The following PIM1 variants were observed in gnomAD, a reference collection of about 807,000 sequenced individuals.
PIM1 encodes the protein Pim-1 proto-oncogene, serine/threonine kinase, also known as serine/threonine-protein kinase pim-1.
In PIM1, 9 loss-of-function variants were observed where a neutral mutation model predicts 34.5. That is an observed-to-expected ratio of 0.26 (90% CI 0.16 to 0.46). The LOEUF (loss-of-function observed/expected upper bound fraction) is 0.46, where lower values mean the gene tolerates loss of function less well. Ranked by LOEUF, PIM1 falls within the 20% of genes least tolerant of loss-of-function variation. The pLI is 1.00. For missense variants in PIM1, 274 were observed against 410.9 expected (o/e 0.67, Z 2.88); for synonymous variants, 199 against 175.2 (o/e 1.14, Z -1.07).
chr6:37,173,885 T>TA, intron 5 of PIM1, 49 bp from the exon 6 acceptor site: 1 of 1,561,292 alleles, frequency 6.4e-7, no homozygotes, highest in Non-Finnish European at 8.7e-7. Context: ...CTTTGCAGTG[T>TA]AAAAACAAGT....
At chr6:37,173,239 A>G in intron 5 of PIM1, 67 bp downstream of exon 5, 3 of 1,446,752 alleles carry the variant, frequency 2.1e-6, no homozygotes, top group African/African-American at 1.4e-5. Context: ...TTCATGGGAC[A>G]GTCTTTGAAA....
rs1196699154 is a variant in PIM1, at chr6:37,172,539, C to T, written c.608-457C>T. On this transcript the variant is annotated intron_variant, in intron 4 of 5. Transcript: ENST00000373509. ...GAAGGCCTCCCAAAGGGCACCCTGA[C>T]TTAGGATGTTGTGCAAGCATCCTTG... is the stretch of plus-strand genomic sequence containing the variant. 1.5e-5 allele frequency: 7 copies of T among 453,264 alleles called. No homozygotes were observed. The East Asian group carries it at 4.9e-4, about 32-fold the overall frequency. 28.1% of individuals were successfully genotyped at this position (453,264 alleles called of 1,614,324 possible).
In PIM1 at chr6:37,170,416, G is replaced by T. The variant is rs1463201376; in HGVS notation, c.-160G>T. 7 of 1,534,052 alleles carry T rather than the reference G, an allele frequency of 4.6e-6. No individual in the cohort carries two copies. The highest frequency in any genetic ancestry group is 2.0e-5 in the Admixed American group (1 of 50,874). On this transcript the variant is annotated 5_prime_UTR_variant, in exon 1 of 6. Coordinates refer to ENST00000373509, the MANE Select transcript of PIM1 (RefSeq NM_002648.4). ...AGCGCCCTCAGTTGTCCTCCGACTC[G>T]CCCTCGGCCTTCCGCGCCAGCCGCA...
rs1762281233 is a variant in PIM1 at position 37,171,256 on chromosome 6, G to A, written c.372G>A (p.Glu124=). 2 of 1,614,184 alleles carry A rather than the reference G, an allele frequency of 1.2e-6. No individual in the cohort carries two copies. Among genetic ancestry groups the A allele is most frequent in the Non-Finnish European group, 1.7e-6 (2 of 1,180,046 alleles). ...DSFVLILERP[E]PVQDLFDFIT... ...TCGTCCTGATCCTGGAGAGGCCCGA[G>A]CCGGTGCAAGATCTCTTCGACTTCA... The change falls in exon 4 of 6, where the codon GAG becomes GAA. Residue 124 remains glutamate, a synonymous_variant. Coordinates refer to ENST00000373509, the MANE Select transcript of PIM1 (RefSeq NM_002648.4).
Position 37,174,026 on chromosome 6 carries a change from G to C in PIM1, c.877G>C (p.Val293Leu). 1.2e-6 allele frequency: 2 copies of C among 1,614,084 alleles called. No individual in the cohort carries two copies. The highest frequency in any genetic ancestry group is 1.7e-6 in the Non-Finnish European group (2 of 1,179,978). Residue 293 changes from valine to leucine, a missense_variant, in exon 6 of 6, where the codon GTT becomes CTT. Physicochemically the swap from Val to Leu is conservative, Grantham distance 32. Transcript: ENST00000373509. Reference sequence around the variant, plus strand: ...CCAGAACCATCCATGGATGCAAGATGTTCTCCTGCCCCAGGAAACTGCTGA... The same window carrying C: ...CCAGAACCATCCATGGATGCAAGATCTTCTCCTGCCCCAGGAAACTGCTGA... Reference protein sequence around the residue: ...EIQNHPWMQDVLLPQETAEIH... With the variant: ...EIQNHPWMQDLLLPQETAEIH...
chr6:37,170,757 C>G lies in PIM1; in HGVS notation c.83-16C>G, dbSNP rs779345095. 2 of 1,611,274 alleles carry G rather than the reference C, an allele frequency of 1.2e-6. No individual in the cohort carries two copies. The highest frequency in any genetic ancestry group is 1.7e-5 in the Admixed American group (1 of 59,916). ...CGCGGGCCGGCACTGAGTCCCCGTG[C>G]TTCCCCCTTTCCTAGGCAAGGAGAA... On this transcript the variant is annotated splice_polypyrimidine_tract_variant and intron_variant, in intron 1 of 5. Transcript: ENST00000373509.
At position 37,174,064 on chromosome 6, in the gene PIM1, C is replaced by T. The variant is rs1762356778; in HGVS notation, c.915C>T (p.His305=). The change falls in exon 6 of 6, where the codon CAC becomes CAT. Residue 305 remains histidine, a synonymous_variant. Transcript: ENST00000373509. ...AGGAAACTGCTGAGATCCACCTCCA[C>T]AGCCTGTCGCCGGGGCCCAGCAAAT... ...LPQETAEIHL[H]SLSPGPSK 6.2e-7 allele frequency: 1 copy of T among 1,613,902 alleles called. No individual in the cohort carries two copies. Among genetic ancestry groups the T allele is most frequent in the East Asian group, 2.2e-5 (1 of 44,876 alleles).
Position 37,170,987 on chromosome 6 carries a change from A to G in PIM1, c.196A>G (p.Ile66Val). Residue 66 changes from isoleucine to valine, a missense_variant, in exon 3 of 6, where the codon ATC (isoleucine) becomes GTC (valine). Physicochemically the swap from Ile to Val is conservative, Grantham distance 29 (BLOSUM62 3). This residue lies in a region of PIM1 where 106 missense variants were observed against 111.5 expected (regional missense o/e 0.95). Transcript: ENST00000373509. Reference protein sequence around the residue: ...IRVSDNLPVAIKHVEKDRISD... With the variant: ...IRVSDNLPVAVKHVEKDRISD... ...GGAGACCCTGGGCTTCCAGGTGGCC[A>G]TCAAACACGTGGAGAAGGACCGGAT... 5 of 1,614,052 alleles carry G rather than the reference A, an allele frequency of 3.1e-6. No homozygotes were observed. Among genetic ancestry groups the G allele is most frequent in the South Asian group, 1.1e-5 (1 of 91,086 alleles).
In PIM1 at chr6:37,171,254, G is replaced by C. The variant is rs35760989; in HGVS notation, c.370G>C (p.Glu124Gln). The change falls in exon 4 of 6, where the codon GAG becomes CAG. Residue 124 changes from glutamate (E) to glutamine (Q), a missense_variant. Around this residue, in one of 2 missense-constraint regions of PIM1, gnomAD observed 168 missense variants for 299.4 expected, o/e 0.56. Transcript: ENST00000373509. The part of the protein sequence containing the change: ...DSFVLILERP[E>Q]PVQDLFDFIT... ...TTTCGTCCTGATCCTGGAGAGGCCC[G>C]AGCCGGTGCAAGATCTCTTCGACTT... is the stretch of plus-strand genomic sequence containing the variant. 2.6e-3 allele frequency: 4,232 copies of C among 1,614,154 alleles called. 9 individuals carry two copies. The highest frequency in any genetic ancestry group is 3.4e-3 in the Non-Finnish European group (3,977 of 1,180,038).
intron 4 of PIM1, 100 bp from the exon 5 acceptor site, chr6:37,172,896 T>TG: frequency 1.2e-6 from 1 of 809,594 alleles, no homozygotes; most frequent in South Asian, 1.7e-5. Flanking sequence ...GAGAAGGGAT[T>TG]TTTTTTTTTT....
chr6:37,174,110 C>A lies in PIM1; in HGVS notation c.*19C>A. ...CAAATAGCAGCCTTTCTGGCAGGTC[C>A]TCCCCTCTCTTGTCAGATGCCCGAG... On this transcript the variant is annotated 3_prime_UTR_variant, in exon 6 of 6. Transcript: ENST00000373509. The A allele has an allele frequency of 2.5e-6, 4 of 1,605,384 alleles. No individual in the cohort carries two copies. The highest frequency in any genetic ancestry group is 3.4e-6 in the Non-Finnish European group (4 of 1,175,858).
At chr6:37,172,688 G>A (rs1444377210) in intron 4 of PIM1, 2 of 554,268 alleles carry the variant, frequency 3.6e-6, no homozygotes, top group Non-Finnish European at 6.9e-6. Context: ...TCCTTCGCAG[G>A]CGGTCCTGCC....
Position 37,173,993 on chromosome 6 carries a change from G to A in PIM1, c.844G>A (p.Glu282Lys), listed in dbSNP as rs761967890. 3 of 1,613,918 alleles carry A rather than the reference G, an allele frequency of 1.9e-6. No homozygotes were observed. Among genetic ancestry groups the A allele is most frequent in the Non-Finnish European group, 2.5e-6 (3 of 1,180,000 alleles). ...ALRPSDRPTF[E>K]EIQNHPWMQD... ...GAGACCATCAGATAGGCCAACCTTC[G>A]AAGAAATCCAGAACCATCCATGGAT... The change falls in exon 6 of 6, where the codon GAA (glutamate) becomes AAA (lysine). Residue 282 changes from glutamate (E) to lysine (K), a missense_variant. Coordinates refer to ENST00000373509, the MANE Select transcript of PIM1 (RefSeq NM_002648.4).
chr6:37,171,639 C>A (rs1762288858), intron 4 of PIM1, 148 bp downstream of exon 4: 10 of 955,938 alleles, frequency 1.0e-5, no homozygotes, highest in Non-Finnish European at 1.2e-5. Flanking sequence ...GCAGGAGAGC[C>A]TCCCAGCGTA....
At chr6:37,173,303 A>G in intron 5 of PIM1, 131 bp downstream of exon 5, 1 of 796,926 alleles carries the variant, frequency 1.3e-6, no homozygotes, top group Non-Finnish European at 2.0e-6. Flanking sequence ...TTAGAATTGT[A>G]GGTGAGTGAT....
chr6:37,172,979 A>G lies in PIM1; in HGVS notation c.608-17A>G, dbSNP rs193280216. The G allele has an allele frequency of 4.9e-4, 790 of 1,612,162 alleles. 3 individuals are homozygous for G. The African/African-American group carries it at 5.2e-3, about 11-fold the overall frequency. ...TTGCTAAAAGTGTGTTTTCTCTTCT[A>G]TTCCCTTGGCTCACAGGGACCCGAG... On this transcript the variant is annotated splice_polypyrimidine_tract_variant and intron_variant, in intron 4 of 5. Transcript: ENST00000373509.
Position 37,174,325 on chromosome 6 carries a change from T to C in PIM1, c.*234T>C, listed in dbSNP as rs1303448675. On this transcript the variant is annotated 3_prime_UTR_variant, in exon 6 of 6. Coordinates refer to ENST00000373509, the MANE Select transcript of PIM1 (RefSeq NM_002648.4). ...CTCAACTCCTCCCATAGATACTCTC[T>C]TCTTCTCATAGGTGTCCAGCATTGC... 3.9e-6 allele frequency: 1 copy of C among 256,300 alleles called. No homozygotes were observed. Among genetic ancestry groups the C allele is most frequent in the Non-Finnish European group, 7.3e-6 (1 of 136,700 alleles). The allele number at this position is 256,300 out of a possible 1,614,324, so 15.9% of individuals were successfully genotyped here.
At chr6:37,172,938 T>A (rs1762332982) in intron 4 of PIM1, 58 bp from the exon 5 acceptor site, 1 of 1,471,140 alleles carries the variant, frequency 6.8e-7, no homozygotes, top group African/African-American at 1.4e-5. Context: ...ACCACCCAGC[T>A]TCTTTGTGCT....
At position 37,170,674 on chromosome 6, in the gene PIM1, C is replaced by T; in HGVS notation, c.82+17C>T. The stretch of plus-strand genomic sequence containing the variant: ...TGGCGCCCGGTGAGAGCACCCCCCG[C>T]CTCCGGCCCGGGGATGCGGGGCGGC... On this transcript the variant is annotated intron_variant, in intron 1 of 5. Transcript: ENST00000373509. The T allele has an allele frequency of 6.2e-7, 1 of 1,608,778 alleles. No homozygotes were observed. Among genetic ancestry groups the T allele is most frequent in the Non-Finnish European group, 8.5e-7 (1 of 1,178,032 alleles).
Sources: allele counts gnomAD v4.1 joint callset, GRCh38; gene constraint gnomAD v4.1.1; regional missense constraint gnomAD v4.1.1; transcripts MANE v1.5; gene names NCBI Gene and HGNC (gene_info 2026-07-23, HGNC 2026-07-21).